The following TTLL11 variants were observed in gnomAD, a reference collection of about 807,000 sequenced individuals.
TTLL11 encodes tubulin tyrosine ligase like 11.
A neutral mutation model predicts 51.7 loss-of-function variants in TTLL11; 42 were observed. The ratio of observed to expected loss-of-function variants is 0.81; its 90% CI spans 0.64 to 1.05. The LOEUF is 1.05. TTLL11 is among the 50% of genes least tolerant of loss of function. TTLL11 has a pLI of 0.00. For synonymous variants in TTLL11, 381 were observed against 383.5 expected (o/e 0.99, Z 0.08); for missense variants, 799 against 940.4 (o/e 0.85, Z 1.97).
At chr9:121,925,320 C>T (rs770390679) in intron 6 of TTLL11, among the ~76,000 whole-genome samples, 2 of 152,216 alleles carry the variant, frequency 1.3e-5, no homozygotes, top group Non-Finnish European at 2.9e-5. Context: ...CCCTCAGAGC[C>T]CAGGAGATGA....
rs1471037280 is a variant in TTLL11 at position 121,892,688 on chromosome 9, T to C, written c.1482-21940A>G. On this transcript the variant is annotated intron_variant, in intron 6 of 8. Transcript: ENST00000321582. ...ATTTTACTCTTACTGTCCCCCTGAA[T>C]GAATGACCTGCCATCCACAGAGGGA... Among the ~76,000 whole-genome samples the C allele has an allele frequency of 2.6e-5, 4 of 152,312 alleles. No individual in the cohort carries two copies. The East Asian group carries it at 7.7e-4, about 29-fold the overall frequency.
chr9:121,974,111 A>G lies in TTLL11; in HGVS notation c.1379T>C (p.Val460Ala). The G allele has an allele frequency of 6.4e-7, 1 of 1,551,258 alleles. No homozygotes were observed. The highest frequency in any genetic ancestry group is 1.2e-5 in the South Asian group (1 of 84,026). The change falls in exon 6 of 9, where the codon GTG becomes GCG. Residue 460 changes from valine (V) to alanine (A), a missense_variant. By Grantham distance (64) the Val-to-Ala change is moderately conservative. This residue lies in a region of TTLL11 where 468 missense variants were observed against 612.8 expected (regional missense o/e 0.76). Coordinates refer to ENST00000321582, the MANE Select transcript of TTLL11 (RefSeq NM_001139442.2). ...AACGAGGCTGGGGACATTTTCAAAC[A>G]CCCCTGGAGAAAGCTTGAACGGGTA... Reference protein sequence around the residue: ...IEHEHELSPGVFENVPSLVDE... With the variant: ...IEHEHELSPGAFENVPSLVDE...
intron 3 of TTLL11, among the ~76,000 whole-genome samples, chr9:122,012,682 A>G (rs1031011010): frequency 1.0e-3 from 154 of 150,726 alleles, no homozygotes; most frequent in African/African-American, 3.7e-3. Flanking sequence ...ACACACGCAC[A>G]CACACACACA....
rs963260500 is a variant in TTLL11, at chr9:121,816,397, G to A, written c.*6190C>T. On this transcript the variant is annotated 3_prime_UTR_variant, in exon 9 of 9. Transcript: ENST00000321582. Reference sequence around the variant, plus strand: ...GGACATGTTTCCCGTGAGCCTCTTGGTGAGCACAAGACACTACCGCAGGGC... The same window carrying A: ...GGACATGTTTCCCGTGAGCCTCTTGATGAGCACAAGACACTACCGCAGGGC... 5 of 152,202 alleles carry A rather than the reference G, an allele frequency of 3.3e-5. No homozygotes were observed. The highest frequency in any genetic ancestry group is 6.5e-5 in the Admixed American group (1 of 15,282). 9.4% of individuals were successfully genotyped at this position (152,202 alleles called of 1,614,324 possible).
chr9:122,012,718 CAG>C (rs1340397044), intron 3 of TTLL11, among the ~76,000 whole-genome samples: 1 of 151,692 alleles, frequency 6.6e-6, no homozygotes, highest in Non-Finnish European at 1.5e-5. Flanking sequence ...TTAAGCCAAA[CAG>C]GGATACAATT....
intron 6 of TTLL11, among the ~76,000 whole-genome samples, chr9:121,940,037 G>A (rs1375355437): frequency 2.0e-5 from 3 of 152,144 alleles, no homozygotes; most frequent in Non-Finnish European, 4.4e-5. Context: ...CTCCTCCAGC[G>A]TTCTGAGAGG....
intron 7 of TTLL11, among the ~76,000 whole-genome samples, chr9:121,865,554 CT>C (rs1402993866): frequency 6.6e-6 from 1 of 152,116 alleles, no homozygotes; most frequent in Non-Finnish European, 1.5e-5. Flanking sequence ...AAAAATTTTC[CT>C]TCGTGAATTA....
In TTLL11 at chr9:121,815,817, T is replaced by C. The variant is rs759419567; in HGVS notation, c.*6770A>G. The C allele has an allele frequency of 1.3e-5, 2 of 152,172 alleles. No individual in the cohort carries two copies. The highest frequency in any genetic ancestry group is 2.4e-5 in the African/African-American group (1 of 41,442). 9.4% of individuals were successfully genotyped at this position (152,172 alleles called of 1,614,324 possible). A position where few individuals can be genotyped will look rare whatever the true frequency, so the allele number is the denominator to read the frequency against. ...AATTTAATAAAGAATTTTGAAAGGCTTTTTAGAGGCAGGAGCTGCAGTCTC... is the reference window on the plus strand; with the variant it reads ...AATTTAATAAAGAATTTTGAAAGGCCTTTTAGAGGCAGGAGCTGCAGTCTC... On this transcript the variant is annotated 3_prime_UTR_variant, in exon 9 of 9. Transcript: ENST00000321582.
chr9:121,847,833 G>T (rs763260685), intron 8 of TTLL11, among the ~76,000 whole-genome samples: 14 of 152,118 alleles, frequency 9.2e-5, no homozygotes, highest in Non-Finnish European at 1.9e-4. Context: ...ACCTAAACCA[G>T]ATAATGATAT....
intron 6 of TTLL11, among the ~76,000 whole-genome samples, chr9:121,925,788 G>A (rs1405101541): frequency 6.6e-6 from 1 of 152,130 alleles, no homozygotes. Flanking sequence ...TGGGTTTGTG[G>A]AGTGAATGAA....
At chr9:121,842,862 G>T (rs1369092094) in intron 8 of TTLL11, among the ~76,000 whole-genome samples, 1 of 152,172 alleles carries the variant, frequency 6.6e-6, no homozygotes, top group African/African-American at 2.4e-5. Context: ...TAAAGACAAA[G>T]AATTATGGCT....
intron 3 of TTLL11, among the ~76,000 whole-genome samples, chr9:121,998,020 A>G (rs934211688): frequency 1.3e-5 from 2 of 152,166 alleles, no homozygotes. Context: ...ATCACAGCTG[A>G]GCCTGCCTGG....
At chr9:121,966,364 T>C (rs982806426) in intron 6 of TTLL11, among the ~76,000 whole-genome samples, 3 of 152,204 alleles carry the variant, frequency 2.0e-5, no homozygotes, top group Non-Finnish European at 4.4e-5. Context: ...TGTCTCTGTC[T>C]TCATTTATAT....
chr9:121,898,866 T>C (rs529096918), intron 6 of TTLL11, among the ~76,000 whole-genome samples: 5 of 152,332 alleles, frequency 3.3e-5, no homozygotes, highest in African/African-American at 1.2e-4. Flanking sequence ...GAGATGCATG[T>C]CTGGCCAGCT....
chr9:122,013,637 T>C (rs1330278157), intron 3 of TTLL11, among the ~76,000 whole-genome samples: 16 of 152,150 alleles, frequency 1.1e-4, no homozygotes, highest in Non-Finnish European at 2.9e-5. Flanking sequence ...TGCAGGAATG[T>C]GCAGATACAG....
intron 6 of TTLL11, among the ~76,000 whole-genome samples, chr9:121,925,201 C>T (rs543946705): frequency 6.6e-6 from 1 of 152,300 alleles, no homozygotes; most frequent in Non-Finnish European, 1.5e-5. Context: ...GCTGGAGAAC[C>T]TGACAAACAG....
At chr9:121,846,056 A>C (rs1010369451) in intron 8 of TTLL11, among the ~76,000 whole-genome samples, 9 of 92,382 alleles carry the variant, frequency 9.7e-5, no homozygotes, top group Non-Finnish European at 1.6e-4. Context: ...TAAAAACAAC[A>C]AAAAAAAGAT....
intron 4 of TTLL11, 134 bp from the exon 5 acceptor site, chr9:121,975,113 T>C: frequency 1.7e-6 from 1 of 586,154 alleles, no homozygotes; most frequent in Non-Finnish European, 2.8e-6. Context: ...ACAGCCCCTC[T>C]TCCTCTGGGG....
chr9:122,021,641 G>C (rs150190608), intron 3 of TTLL11, among the ~76,000 whole-genome samples: 15 of 152,268 alleles, frequency 9.9e-5, no homozygotes, highest in Non-Finnish European at 1.9e-4. Flanking sequence ...CTCCAGTCCT[G>C]CTTAACAAAT....
Sources: gnomAD v4.1 joint callset for allele counts (sites outside exome capture counted in the v4.1 genomes callset) on GRCh38, gnomAD v4.1.1 for gene constraint, gnomAD v4.1.1 regional missense constraint, MANE v1.5 for transcripts, NCBI Gene and HGNC (gene_info 2026-07-23, HGNC 2026-07-21) for gene names.